FAM169A: variants seen among roughly 807,000 people sequenced by gnomAD.
The protein encoded by FAM169A is family with sequence similarity 169 member A, also known as soluble lamin-associated protein of 75 kDa.
In FAM169A, 24 loss-of-function variants were observed where a neutral mutation model predicts 75.7. The observed-to-expected ratio is 0.32, with a 90% CI of 0.23 to 0.45. The LOEUF is 0.45. FAM169A is among the 20% of genes least tolerant of loss of function. The pLI is 1.00. For missense variants in FAM169A, 673 were observed against 784.0 expected (o/e 0.86, Z 1.69); for synonymous variants, 271 against 271.0 (o/e 1.00, Z 0.00).
At chr5:74,857,524 T>A (rs1349238654) in intron 1 of FAM169A, among the ~76,000 whole-genome samples, 2 of 121,468 alleles carry the variant, frequency 1.6e-5, no homozygotes, top group East Asian at 5.5e-4. Context: ...AAGACTAGAC[T>A]GCACCACTGC....
intron 10 of FAM169A, among the ~76,000 whole-genome samples, chr5:74,796,517 T>C (rs575747347): frequency 1.3e-5 from 2 of 152,200 alleles, no homozygotes; most frequent in South Asian, 4.2e-4. Context: ...GCGATTCTCC[T>C]GCCTCAGCCC....
intron 1 of FAM169A, among the ~76,000 whole-genome samples, chr5:74,862,029 TC>T (rs1750062459): frequency 6.6e-6 from 1 of 152,230 alleles, no homozygotes. Context: ...CACATCTCTT[TC>T]CACCTCAAAT....
At chr5:74,796,210 C>T (rs749028138) in intron 10 of FAM169A, 24 bp from the exon 11 acceptor site, 1 of 1,586,806 alleles carries the variant, frequency 6.3e-7, no homozygotes, top group Admixed American at 1.9e-5. Context: ...GAAAACCATT[C>T]TGACTTGTTT....
chr5:74,798,957 G>T lies in FAM169A; in HGVS notation c.1103+1923C>A. 3 of 1,002,384 alleles carry T rather than the reference G, an allele frequency of 3.0e-6. No homozygotes were observed. In the South Asian group the frequency reaches 3.8e-5, roughly 13 times the overall value. The allele number at this position is 1,002,384 out of a possible 1,614,324, so 62.1% of individuals were successfully genotyped here. On this transcript the variant is annotated intron_variant, in intron 10 of 12. Coordinates refer to ENST00000687041, the MANE Select transcript of FAM169A (RefSeq NM_001376049.1). ...GCTCCAAGACCGTCCGGACTGCCCC[G>T]ACCCCAGCTTTCTCTCCTTTGAAAA...
At chr5:74,784,651 GC>G (rs1189025165) in intron 11 of FAM169A, among the ~76,000 whole-genome samples, 7 of 145,514 alleles carry the variant, frequency 4.8e-5, no homozygotes, top group African/African-American at 1.8e-4. Context: ...GGCCACGGTG[GC>G]TCACACCTGT....
chr5:74,849,298 T>C (rs1243483092), intron 1 of FAM169A, among the ~76,000 whole-genome samples: 4 of 152,104 alleles, frequency 2.6e-5, no homozygotes, highest in Non-Finnish European at 5.9e-5. Context: ...GAAAACAAAT[T>C]TATATTATTG....
chr5:74,858,364 G>T (rs1002334727), intron 1 of FAM169A, among the ~76,000 whole-genome samples: 7 of 152,090 alleles, frequency 4.6e-5, no homozygotes, highest in African/African-American at 1.7e-4. Context: ...CTCCAGCCTG[G>T]GTGACAGTGT....
intron 5 of FAM169A, 55 bp downstream of exon 5, chr5:74,834,371 G>A (rs1164904249): frequency 1.9e-6 from 2 of 1,054,376 alleles, no homozygotes. Context: ...CAGTTGGAGG[G>A]GTCTAAAATA....
intron 1 of FAM169A, among the ~76,000 whole-genome samples, chr5:74,864,673 C>T (rs1016094516): frequency 2.0e-5 from 3 of 152,206 alleles, no homozygotes; most frequent in Admixed American, 2.0e-4. Flanking sequence ...GTCAATGTTG[C>T]TACTCACATA....
intron 5 of FAM169A, among the ~76,000 whole-genome samples, chr5:74,823,527 C>A (rs1747868277): frequency 6.6e-6 from 1 of 152,284 alleles, no homozygotes; most frequent in East Asian, 1.9e-4. Context: ...AGCTTATCGA[C>A]TATGATGTTG....
At chr5:74,793,773 G>A (rs1375378324) in intron 11 of FAM169A, among the ~76,000 whole-genome samples, 1 of 151,492 alleles carries the variant, frequency 6.6e-6, no homozygotes, top group African/African-American at 2.4e-5. Context: ...GAAGGCCAAG[G>A]CGGGCGGATC....
At chr5:74,839,942 C>T (rs992881640) in intron 3 of FAM169A, 132 bp downstream of exon 3, 35 of 545,604 alleles carry the variant, frequency 6.4e-5, no homozygotes, top group Middle Eastern at 9.8e-4. Context: ...TTAAGAATTA[C>T]ATTTTAATAA....
Position 74,796,032 on chromosome 5 carries a change from T to C in FAM169A, c.1258A>G (p.Lys420Glu), listed in dbSNP as rs1170778560. The change falls in exon 11 of 13, where the codon AAG becomes GAG. Residue 420 changes from lysine to glutamate, a missense_variant and splice_region_variant. By Grantham distance (56) the Lys-to-Glu change is moderately conservative. Coordinates refer to ENST00000687041, the MANE Select transcript of FAM169A (RefSeq NM_001376049.1). ...TTGCTGAATAAGTGATCTCATACCT[T>C]TTCACCATCTTGCTTCTCTTGCTGT... The part of the protein sequence containing the change: ...QPQQEKQDGE[K>E]ESELEPMNGE... 1 of 1,612,480 alleles carries C rather than the reference T, an allele frequency of 6.2e-7. No individual in the cohort carries two copies. Among genetic ancestry groups the C allele is most frequent in the Admixed American group, 1.7e-5 (1 of 59,622 alleles).
chr5:74,798,807 T>C (rs985563247), intron 10 of FAM169A, among the ~76,000 whole-genome samples: 3 of 152,204 alleles, frequency 2.0e-5, no homozygotes, highest in African/African-American at 7.2e-5. Flanking sequence ...CACTGTACTA[T>C]TTATGGTTAT....
At position 74,778,086 on chromosome 5, in the gene FAM169A, T is replaced by C. The variant is rs530912978; in HGVS notation, c.*3374A>G. The C allele has an allele frequency of 4.5e-4, 68 of 152,188 alleles. No individual in the cohort carries two copies. Among genetic ancestry groups the C allele is most frequent in the African/African-American group, 1.6e-3 (67 of 41,574 alleles). The allele number at this position is 152,188 out of a possible 1,614,324, so 9.4% of individuals were successfully genotyped here. The stretch of plus-strand genomic sequence containing the variant: ...GAATAAAAATACTGACTCCAGGTAA[T>C]TTCTGGATACTACAAAAATGAAGTT... On this transcript the variant is annotated 3_prime_UTR_variant, in exon 13 of 13. Transcript: ENST00000687041.
intron 5 of FAM169A, among the ~76,000 whole-genome samples, chr5:74,826,477 G>A (rs1319803313): frequency 6.6e-6 from 1 of 151,902 alleles, no homozygotes; most frequent in Non-Finnish European, 1.5e-5. Flanking sequence ...TTTTCTTTTG[G>A]CCTAGTCAAA....
rs185229999 is a variant in FAM169A, at chr5:74,840,807, C to T, written c.133-634G>A. 5.2e-4 allele frequency among the ~76,000 whole-genome samples: 76 copies of T among 147,388 alleles called. No homozygotes were observed. The Middle Eastern group carries it at 0.01, about 20-fold the overall frequency. On this transcript the variant is annotated intron_variant, in intron 2 of 12. Coordinates refer to ENST00000687041, the MANE Select transcript of FAM169A (RefSeq NM_001376049.1). ...TCGTGCCAATGCACTCCAACCTGGG[C>T]GACAGACCGAGACTCCATCTCAAAA...
At chr5:74,841,774 T>G in intron 1 of FAM169A, 95 bp from the exon 2 acceptor site, 2 of 1,114,754 alleles carry the variant, frequency 1.8e-6, no homozygotes, top group South Asian at 1.9e-5. Context: ...TTGCCATATT[T>G]TGTTATAACA....
intron 10 of FAM169A, among the ~76,000 whole-genome samples, chr5:74,797,522 C>T (rs11742773): frequency 0.23 from 35,195 of 152,120 alleles, 4,296 homozygotes; most frequent in Middle Eastern, 0.3. Context: ...TTATCCTTAG[C>T]AACATCCCTC....
Sources: gnomAD v4.1 joint callset for allele counts (sites outside exome capture counted in the v4.1 genomes callset) on GRCh38, gnomAD v4.1.1 for gene constraint, MANE v1.5 for transcripts, NCBI Gene and HGNC (gene_info 2026-07-23, HGNC 2026-07-21) for gene names.